The following VOPP1 variants were observed in gnomAD, a reference collection of about 807,000 sequenced individuals.
VOPP1 encodes WW domain binding protein VOPP1.
In VOPP1, 8 loss-of-function variants were observed where a neutral mutation model predicts 23.5. That is an observed-to-expected ratio of 0.34 (90% CI 0.20 to 0.61). VOPP1 has a LOEUF of 0.61. VOPP1 is among the 20% of genes least tolerant of loss of function. VOPP1 has a pLI of 0.78. For synonymous variants in VOPP1, 83 were observed against 97.3 expected (o/e 0.85, Z 0.86); for missense variants, 174 against 238.1 (o/e 0.73, Z 1.77).
At chr7:55,519,957 A>G (rs943513733) in intron 2 of VOPP1, among the ~76,000 whole-genome samples, 4 of 152,162 alleles carry the variant, frequency 2.6e-5, no homozygotes, top group East Asian at 3.9e-4. Flanking sequence ...GTGAAACCCC[A>G]TATCTACTAG....
chr7:55,536,926 G>C (rs1399380156), intron 1 of VOPP1, among the ~76,000 whole-genome samples: 1 of 152,170 alleles, frequency 6.6e-6, no homozygotes, highest in African/African-American at 2.4e-5. Flanking sequence ...CAGCCAGACC[G>C]CATGAAACGC....
At chr7:55,480,050 C>T (rs1792587526) in intron 4 of VOPP1, among the ~76,000 whole-genome samples, 1 of 152,194 alleles carries the variant, frequency 6.6e-6, no homozygotes, top group Non-Finnish European at 1.5e-5. Flanking sequence ...TATTTTGACA[C>T]ATTGCTTAAT....
At chr7:55,540,398 AAAATAAAT>A (rs200219554) in intron 1 of VOPP1, among the ~76,000 whole-genome samples, 6,749 of 141,772 alleles carry the variant, frequency 0.048, 260 homozygotes, top group African/African-American at 0.11. Flanking sequence ...CTCTGTCTCA[AAAATAAAT>A]AAATAAATAA....
intron 1 of VOPP1, among the ~76,000 whole-genome samples, chr7:55,538,214 A>T (rs1039862611): frequency 3.3e-5 from 5 of 152,202 alleles, no homozygotes; most frequent in Non-Finnish European, 5.9e-5. Flanking sequence ...ATTTTGCTAC[A>T]AACCACTCTG....
At chr7:55,512,083 A>G (rs1795105919) in intron 2 of VOPP1, among the ~76,000 whole-genome samples, 1 of 152,220 alleles carries the variant, frequency 6.6e-6, no homozygotes, top group Admixed American at 6.5e-5. Flanking sequence ...AAAAAGCATG[A>G]GGGGCTTTGT....
intron 4 of VOPP1, among the ~76,000 whole-genome samples, chr7:55,453,870 G>T (rs973708870): frequency 2.9e-4 from 44 of 152,266 alleles, no homozygotes; most frequent in African/African-American, 1.1e-3. Context: ...GTACAATAAA[G>T]TGTGCCTGTA....
chr7:55,559,982 A>G (rs188134198), intron 1 of VOPP1, among the ~76,000 whole-genome samples: 1,667 of 152,304 alleles, frequency 0.011, 11 homozygotes, highest in Middle Eastern at 0.02. Flanking sequence ...GTGAAACCCC[A>G]TCTCCACTAA....
chr7:55,457,051 A>C (rs1583808357), intron 4 of VOPP1, among the ~76,000 whole-genome samples: 1 of 152,134 alleles, frequency 6.6e-6, no homozygotes, highest in Non-Finnish European at 1.5e-5. Context: ...GTAACTTTGT[A>C]CCCATCAACC....
chr7:55,532,156 A>C (rs1796531750), intron 1 of VOPP1, among the ~76,000 whole-genome samples: 1 of 152,264 alleles, frequency 6.6e-6, no homozygotes, highest in South Asian at 2.1e-4. Context: ...AAAAGCTGAG[A>C]TGTGACTAAA....
At chr7:55,435,763 C>T (rs1790807643), downstream of VOPP1, among the ~76,000 whole-genome samples, 1 of 152,256 alleles carries the variant, frequency 6.6e-6, no homozygotes, top group South Asian at 2.1e-4. Context: ...TGACTGTTCC[C>T]AGCTCCCTCT....
chr7:55,492,340 C>T lies in VOPP1; in HGVS notation c.270G>A (p.Leu90=). 2 of 1,610,068 alleles carry T rather than the reference C, an allele frequency of 1.2e-6. No homozygotes were observed. The highest frequency in any genetic ancestry group is 8.5e-7 in the Non-Finnish European group (1 of 1,178,258). The change falls in exon 4 of 5, where the codon CTG becomes CTA. Residue 90 remains leucine (L), a synonymous_variant. Coordinates refer to ENST00000285279, the MANE Select transcript of VOPP1 (RefSeq NM_030796.5). Reference sequence around the variant, plus strand: ...ACACATTGAAGGCTGGCTCCTCGATCAGCGGCGGGGGGTACATGCGCCTCC... The same window carrying T: ...ACACATTGAAGGCTGGCTCCTCGATTAGCGGCGGGGGGTACATGCGCCTCC... ...FIRRRMYPPP[L]IEEPAFNVSY... is the part of the protein sequence containing the mutation.
intron 4 of VOPP1, among the ~76,000 whole-genome samples, chr7:55,484,556 G>GA (rs1252628365): frequency 6.6e-6 from 1 of 152,150 alleles, no homozygotes; most frequent in African/African-American, 2.4e-5. Flanking sequence ...TTATTCGCAC[G>GA]GGGTGAGCTT....
Position 55,491,069 on chromosome 7 carries a change from C to T in VOPP1, c.328+1213G>A, listed in dbSNP as rs1212785152. 2.0e-5 allele frequency among the ~76,000 whole-genome samples: 3 copies of T among 152,196 alleles called. No homozygotes were observed. In the East Asian group the frequency reaches 5.8e-4, roughly 29 times the overall value. On this transcript the variant is annotated intron_variant, in intron 4 of 4. Transcript: ENST00000285279. ...TAAAAACCACTTTATTGAGGTCTGA[C>T]TGACAGGCAAAAAGCTGTGCATGTT... is the stretch of plus-strand genomic sequence containing the variant.
At position 55,492,418 on chromosome 7, in the gene VOPP1, C is replaced by A. The variant is rs754702175; in HGVS notation, c.192G>T (p.Trp64Cys). The change falls in exon 4 of 5, where the codon TGG (tryptophan) becomes TGT (cysteine). Residue 64 changes from tryptophan (W) to cysteine (C), a missense_variant and splice_region_variant. Transcript: ENST00000285279. ...ALSIQRLWYF[W>C]FLLMMGVLFC... ...AAAGCACGCCCATCATCAGAAGGAA[C>A]CTGAGGAGAGTACAGACGTGAGGGT... The A allele has an allele frequency of 3.7e-6, 6 of 1,610,192 alleles. No homozygotes were observed. Among genetic ancestry groups the A allele is most frequent in the South Asian group, 3.3e-5 (3 of 90,088 alleles).
intron 2 of VOPP1, among the ~76,000 whole-genome samples, chr7:55,519,730 C>A (rs867933098): frequency 6.6e-6 from 1 of 152,226 alleles, no homozygotes; most frequent in Admixed American, 6.5e-5. Flanking sequence ...CTGACTCCTG[C>A]TTGTCAGTAT....
rs78927168 is a variant in VOPP1, at chr7:55,570,282, G to A, written c.54+1989C>T. ...AATCTCCTTAACTCCTCAGAGAGAC[G>A]CCTCTCCAGCACAAAGTGGTGGTAC... On this transcript the variant is annotated intron_variant, in intron 1 of 4. Transcript: ENST00000285279. 1.4e-3 allele frequency among the ~76,000 whole-genome samples: 212 copies of A among 152,290 alleles called. 1 individual carries two copies. The highest frequency in any genetic ancestry group is 4.9e-3 in the African/African-American group (204 of 41,552).
chr7:55,538,740 A>G lies in VOPP1; in HGVS notation c.55-17610T>C, dbSNP rs983744764. Reference sequence around the variant, plus strand: ...ATTAAAATGAGTCATGGCCATTCCTATAAAGGAACGCTTTCTAAGGGGAAT... The same window carrying G: ...ATTAAAATGAGTCATGGCCATTCCTGTAAAGGAACGCTTTCTAAGGGGAAT... On this transcript the variant is annotated intron_variant, in intron 1 of 4. Transcript: ENST00000285279. 29 of 1,322,490 alleles carry G rather than the reference A, an allele frequency of 2.2e-5. No individual in the cohort carries two copies. The Middle Eastern group carries it at 9.1e-4, about 41-fold the overall frequency. 81.9% of individuals were successfully genotyped at this position (1,322,490 alleles called of 1,614,324 possible). A position where few individuals can be genotyped will look rare whatever the true frequency, so the allele number is the denominator to read the frequency against.
At chr7:55,492,175 C>T in intron 4 of VOPP1, 107 bp downstream of exon 4, 1 of 1,413,988 alleles carries the variant, frequency 7.1e-7, no homozygotes, top group Non-Finnish European at 9.3e-7. Flanking sequence ...GAATAACACA[C>T]CTGAGCGCTC....
chr7:55,488,720 C>G (rs906473922), intron 4 of VOPP1, among the ~76,000 whole-genome samples: 1 of 151,766 alleles, frequency 6.6e-6, no homozygotes, highest in Non-Finnish European at 1.5e-5. Flanking sequence ...CTCTAAATCC[C>G]TCTGCTTTTT....
Sources: gnomAD v4.1 joint callset for allele counts (sites outside exome capture counted in the v4.1 genomes callset) on GRCh38, gnomAD v4.1.1 for gene constraint, MANE v1.5 for transcripts, NCBI Gene and HGNC (gene_info 2026-07-23, HGNC 2026-07-21) for gene names.